The following BRCA1 variants were observed in gnomAD, a reference collection of about 807,000 sequenced individuals.
The protein encoded by BRCA1 is BRCA1 DNA repair associated.
In BRCA1, 140 loss-of-function variants were observed where a neutral mutation model predicts 173.7. The observed-to-expected ratio is 0.81, with a 90% confidence interval of 0.70 to 0.93. The LOEUF is 0.93. BRCA1 is among the 40% of genes least tolerant of loss of function. The pLI is 0.00. For synonymous variants in BRCA1, 662 were observed against 756.0 expected (o/e 0.88, Z 2.04); for missense variants, 1,983 against 2,172.5 (o/e 0.91, Z 1.73).
chr17:43,104,799 AAT>A (rs2054665327), intron 5 of BRCA1, 67 bp downstream of exon 5: 1 of 1,346,038 alleles, frequency 7.4e-7, no homozygotes, highest in Non-Finnish European at 1.1e-6. Context: ...CATAGAAAGT[AAT>A]TGTGCAAACT....
chr17:43,104,392 T>C, intron 5 of BRCA1, 131 bp from the exon 6 acceptor site: 1 of 1,042,806 alleles, frequency 9.6e-7, no homozygotes, highest in Non-Finnish European at 1.4e-6. Flanking sequence ...TTACCTGTGA[T>C]TTTTTTTAAA....
chr17:43,097,724 T>G (rs1270525216), intron 7 of BRCA1, among the ~76,000 whole-genome samples: 1 of 152,258 alleles, frequency 6.6e-6, no homozygotes, highest in African/African-American at 2.4e-5. Context: ...CTTAATTTTC[T>G]CATCTGTAAA....
At chr17:43,128,023 CA>C (rs61243891), upstream of BRCA1, among the ~76,000 whole-genome samples, 1,540 of 24,926 alleles carry the variant, frequency 0.062, 16 homozygotes, top group African/African-American at 0.14. Flanking sequence ...GACTCCATCT[CA>C]AAAAAAAAAA....
intron 19 of BRCA1, among the ~76,000 whole-genome samples, chr17:43,053,211 C>T (rs941932288): frequency 6.6e-6 from 1 of 152,134 alleles, no homozygotes; most frequent in Non-Finnish European, 1.5e-5. Context: ...AAACCGCACC[C>T]CCAACCTGTT....
At chr17:43,152,544 C>A (rs2056168710) in intron 1 of BRCA1, among the ~76,000 whole-genome samples, 1 of 151,850 alleles carries the variant, frequency 6.6e-6, no homozygotes, top group Non-Finnish European at 1.5e-5. Flanking sequence ...CATGGTGAAA[C>A]CCTGTCTCTA....
intron 2 of BRCA1, among the ~76,000 whole-genome samples, chr17:43,121,219 C>T (rs1181167274): frequency 6.6e-6 from 1 of 151,148 alleles, no homozygotes; most frequent in Non-Finnish European, 1.5e-5. Flanking sequence ...ACTAAAAATA[C>T]AAAAAATTAG....
intron 7 of BRCA1, among the ~76,000 whole-genome samples, chr17:43,097,577 A>AC (rs1343886850): frequency 1.3e-5 from 2 of 151,956 alleles, no homozygotes; most frequent in Non-Finnish European, 2.9e-5. Context: ...ACAAAGTGAG[A>AC]CCCCCGTTTC....
At chr17:43,088,354 T>A (rs1200535948) in intron 11 of BRCA1, among the ~76,000 whole-genome samples, 1 of 151,552 alleles carries the variant, frequency 6.6e-6, no homozygotes, top group Admixed American at 6.6e-5. Context: ...CTACCTTCCA[T>A]CCTATGAATT....
chr17:43,154,399 G>A (rs1183674438), intron 1 of BRCA1, among the ~76,000 whole-genome samples: 3 of 151,640 alleles, frequency 2.0e-5, no homozygotes, highest in Non-Finnish European at 4.4e-5. Context: ...CAGGAGAATC[G>A]CTTGAACCTG....
chr17:43,169,055 A>G lies in BRCA1; in HGVS notation c.-20+1071T>C, dbSNP rs866479418. Among the ~76,000 whole-genome samples the G allele has an allele frequency of 9.9e-5, 15 of 152,260 alleles. No individual in the cohort carries two copies. The South Asian group carries it at 1.7e-3, about 17-fold the overall frequency. On this transcript the variant is annotated intron_variant, in intron 1 of 7. Transcript: ENST00000634433. ...TTCCCTCTTGCGCTTTCTCAATAGC[A>G]CAAATGGATCCAGTTCTTAAGTTCT...
chr17:43,074,324 A>G lies in BRCA1; in HGVS notation c.4675+7T>C, dbSNP rs273900739. 1.9e-6 allele frequency: 3 copies of G among 1,613,912 alleles called. No homozygotes were observed. The highest frequency in any genetic ancestry group is 4.5e-5 in the East Asian group (2 of 44,878). On this transcript the variant is annotated splice_region_variant and intron_variant, in intron 14 of 22. Coordinates refer to ENST00000357654, the MANE Select transcript of BRCA1 (RefSeq NM_007294.4). ...TGTTTGTTCCAATACAGCAGATGAA[A>G]TATTACCTAGATCTTGCCTTGGCAA...
intron 13 of BRCA1, 79 bp from the exon 14 acceptor site, chr17:43,074,600 A>G: frequency 7.5e-7 from 1 of 1,325,520 alleles, no homozygotes; most frequent in Non-Finnish European, 1.1e-6. Context: ...CAGCCAAAGC[A>G]TAAATGAAAC....
intron 7 of BRCA1, 83 bp from the exon 8 acceptor site, chr17:43,097,372 G>T: frequency 8.9e-7 from 1 of 1,118,554 alleles, no homozygotes; most frequent in Non-Finnish European, 1.4e-6. Context: ...TTGAAAAACA[G>T]ATATTCAACT....
At chr17:43,101,227 T>C (rs2054461012) in intron 6 of BRCA1, among the ~76,000 whole-genome samples, 1 of 152,064 alleles carries the variant, frequency 6.6e-6, no homozygotes, top group African/African-American at 2.4e-5. Context: ...GACAGAGTCT[T>C]GTTCTGTTGC....
At chr17:43,091,113 G>A (rs2154260826) in intron 10 of BRCA1, 81 bp from the exon 11 acceptor site, 2 of 1,276,826 alleles carry the variant, frequency 1.6e-6, no homozygotes, top group Non-Finnish European at 2.2e-6. Flanking sequence ...CTTCTCATTG[G>A]CAGGACTGGA....
intron 3 of BRCA1, among the ~76,000 whole-genome samples, chr17:43,110,749 C>T (rs1032010345): frequency 2.6e-5 from 4 of 151,942 alleles, no homozygotes; most frequent in African/African-American, 4.8e-5. Flanking sequence ...TGGAGGTGGG[C>T]GGATCACTTG....
At chr17:43,151,029 G>A (rs752400566) in intron 1 of BRCA1, among the ~76,000 whole-genome samples, 60 of 152,198 alleles carry the variant, frequency 3.9e-4, no homozygotes, top group Non-Finnish European at 6.3e-4. Flanking sequence ...TTGGGTGGGT[G>A]GGGCATATGC....
At chr17:43,048,614 A>C (rs1232523464) in intron 21 of BRCA1, among the ~76,000 whole-genome samples, 7 of 151,006 alleles carry the variant, frequency 4.6e-5, no homozygotes, top group African/African-American at 1.7e-4. Context: ...TCCCACGTTC[A>C]AGCGATGCTC....
intron 1 of BRCA1, among the ~76,000 whole-genome samples, chr17:43,132,208 G>T (rs2055972995): frequency 2.0e-5 from 3 of 152,160 alleles, no homozygotes; most frequent in Admixed American, 1.3e-4. Context: ...TCTGCTTGGG[G>T]CTGAGGGCCA....
Sources: allele counts gnomAD v4.1 joint callset (sites outside exome capture counted in the v4.1 genomes callset), GRCh38; gene constraint gnomAD v4.1.1; transcripts MANE v1.5; gene names NCBI Gene and HGNC (gene_info 2026-07-23, HGNC 2026-07-21).